The following ADGRL1 variants were observed in gnomAD, a reference collection of about 807,000 sequenced individuals.
ADGRL1 encodes adhesion G protein-coupled receptor L1, also known as CIRL-1.
A neutral mutation model predicts 148.9 loss-of-function variants in ADGRL1; 31 were observed. The ratio of observed to expected loss-of-function variants is 0.21; its 90% CI spans 0.16 to 0.28. The LOEUF (loss-of-function observed/expected upper bound fraction) is 0.28, where lower values mean the gene tolerates loss of function less well. Ranked by LOEUF, ADGRL1 falls within the 10% of genes least tolerant of loss-of-function variation. The probability of loss-of-function intolerance (pLI) is 1.00; values close to 1 mark genes in which losing one functional copy is unlikely to be tolerated. For missense variants in ADGRL1, 1,521 were observed against 2,058.8 expected, an observed-to-expected ratio of 0.74 and a Z score of 5.05; for synonymous variants, 937 against 900.3, an observed-to-expected ratio of 1.04 and a Z score of -0.73.
intron 1 of ADGRL1, among the ~76,000 whole-genome samples, chr19:14,193,197 G>A (rs1297451099): frequency 2.6e-5 from 4 of 150,996 alleles, no homozygotes; most frequent in African/African-American, 4.9e-5. Context: ...GGTGTCCCCC[G>A]GGAGACCCAG....
chr19:14,203,157 C>T (rs991336708), intron 1 of ADGRL1, among the ~76,000 whole-genome samples: 1 of 152,114 alleles, frequency 6.6e-6, no homozygotes, highest in Admixed American at 6.5e-5. Flanking sequence ...GTCAGGGTTT[C>T]AGACCCAGGG....
At chr19:14,187,790 TTCC>T (rs1252024228) in intron 1 of ADGRL1, among the ~76,000 whole-genome samples, 1 of 151,952 alleles carries the variant, frequency 6.6e-6, no homozygotes, top group East Asian at 1.9e-4. Flanking sequence ...TTATTTCAAC[TTCC>T]TCATTTCTCC....
At chr19:14,188,503 A>G (rs1385316454) in intron 1 of ADGRL1, among the ~76,000 whole-genome samples, 1 of 151,872 alleles carries the variant, frequency 6.6e-6, no homozygotes, top group East Asian at 1.9e-4. Context: ...AGACCAAAAT[A>G]AGCCCCTACA....
At chr19:14,195,712 C>A (rs1449490933) in intron 1 of ADGRL1, among the ~76,000 whole-genome samples, 1 of 152,174 alleles carries the variant, frequency 6.6e-6, no homozygotes, top group East Asian at 1.9e-4. Context: ...AGAGTTGAAG[C>A]CCCTGAATTT....
rs1328178784 is a variant in ADGRL1 at position 14,150,977 on chromosome 19, A to G, written c.4306T>C (p.Tyr1436His). The G allele has an allele frequency of 1.3e-6, 2 of 1,585,728 alleles. No homozygotes were observed. The highest frequency in any genetic ancestry group is 1.1e-5 in the South Asian group (1 of 89,088). The stretch of plus-strand genomic sequence containing the variant: ...TCGTGGCTAGGACGCCGCACCTGGT[A>G]GTAGCCCTGCAGGGGATTCCGGGCC... The part of the protein sequence containing the change: ...LVARNPLQGY[Y>H]QVRRPSHEGY... Residue 1436 changes from tyrosine (Y) to histidine (H), a missense_variant, in exon 23 of 23, where the codon TAC becomes CAC. Transcript: ENST00000361434.
chr19:14,183,222 A>AGCGAGC (rs1386351242), intron 2 of ADGRL1, among the ~76,000 whole-genome samples: 1 of 146,572 alleles, frequency 6.8e-6, no homozygotes, highest in African/African-American at 2.5e-5. Flanking sequence ...AGAGAGCGAG[A>AGCGAGC]GAGAGACAGA....
At chr19:14,169,248 C>A (rs955775033) in intron 4 of ADGRL1, 3 of 152,262 alleles carry the variant, frequency 2.0e-5, no homozygotes, top group Non-Finnish European at 4.4e-5. Context: ...GTGGCCGGCC[C>A]TGGGCCAAGC....
At chr19:14,173,359 G>A (rs948214257) in intron 3 of ADGRL1, among the ~76,000 whole-genome samples, 3 of 152,118 alleles carry the variant, frequency 2.0e-5, no homozygotes, top group Non-Finnish European at 2.9e-5. Context: ...ACTTCCCGAA[G>A]TGCTGGGATT....
chr19:14,196,243 G>A (rs1282293472), intron 1 of ADGRL1, among the ~76,000 whole-genome samples: 1 of 152,224 alleles, frequency 6.6e-6, no homozygotes, highest in African/African-American at 2.4e-5. Context: ...GAGCATCTAA[G>A]TCAGCCGCTT....
intron 4 of ADGRL1, among the ~76,000 whole-genome samples, chr19:14,165,443 G>C (rs556713403): frequency 1.8e-4 from 28 of 152,254 alleles, no homozygotes; most frequent in African/African-American, 6.7e-4. Flanking sequence ...GAGGGTGTCA[G>C]GGGGGAAAAA....
At position 14,186,687 on chromosome 19, in the gene ADGRL1, C is replaced by A. The variant is rs970400877; in HGVS notation, c.-95-2990G>T. Among the ~76,000 whole-genome samples, 3 of 152,162 alleles carry A rather than the reference C, an allele frequency of 2.0e-5. No homozygotes were observed. In the South Asian group the frequency reaches 6.2e-4, roughly 31 times the overall value. On this transcript the variant is annotated intron_variant, in intron 1 of 22. Coordinates refer to ENST00000361434, the MANE Select transcript of ADGRL1 (RefSeq NM_014921.5). Reference sequence around the variant, plus strand: ...TGATGTTGATCCGAACATTAACTGACCCCCTGGTCTCTGCTGGGGTCTCAG... The same window carrying A: ...TGATGTTGATCCGAACATTAACTGAACCCCTGGTCTCTGCTGGGGTCTCAG...
intron 2 of ADGRL1, 65 bp from the exon 3 acceptor site, chr19:14,177,809 C>T (rs1970928549): frequency 2.1e-6 from 3 of 1,453,336 alleles, no homozygotes; most frequent in Non-Finnish European, 2.8e-6. Context: ...ACCCTACCCA[C>T]TGCCAAGAAA....
rs762393271 is a variant in ADGRL1, at chr19:14,157,236, A to G, written c.2745+15T>C. 8.1e-6 allele frequency: 13 copies of G among 1,613,918 alleles called. No homozygotes were observed. Among genetic ancestry groups the G allele is most frequent in the Admixed American group, 1.7e-5 (1 of 60,028 alleles). On this transcript the variant is annotated intron_variant, in intron 14 of 22. Coordinates refer to ENST00000361434, the MANE Select transcript of ADGRL1 (RefSeq NM_014921.5). The surrounding 1 kb of genome is among the most constrained non-coding windows in gnomAD (Gnocchi z 7.5). ...CCAGGCGCTGGCCGTCACCTGCCCT[A>G]GAGTCCCAGCCCACCTCATACTGAG...
rs558201686 is a variant in ADGRL1, at chr19:14,160,405, C to G, written c.1615-108G>C. ...GCCTCTCCTATCTCTCTCTCCACTT[C>G]CCCATCGCCATCTGCCCCTTCCCAC... On this transcript the variant is annotated intron_variant, in intron 7 of 22. Transcript: ENST00000361434. The surrounding 1 kb of genome is among the most constrained non-coding windows in gnomAD (Gnocchi z 5.9). 8 of 1,106,202 alleles carry G rather than the reference C, an allele frequency of 7.2e-6. No individual in the cohort carries two copies. The Admixed American group carries it at 1.3e-4, about 18-fold the overall frequency. 68.5% of individuals were successfully genotyped at this position (1,106,202 alleles called of 1,614,324 possible).
chr19:14,176,389 G>A (rs568284390), intron 3 of ADGRL1, among the ~76,000 whole-genome samples: 13 of 152,036 alleles, frequency 8.6e-5, no homozygotes, highest in Admixed American at 2.6e-4. Flanking sequence ...CAAATACACC[G>A]TCATACTCAT....
chr19:14,170,746 G>A lies in ADGRL1; in HGVS notation c.330C>T (p.Ala110=), dbSNP rs745437981. 4.0e-5 allele frequency: 64 copies of A among 1,613,140 alleles called. No individual in the cohort carries two copies. The highest frequency in any genetic ancestry group is 5.1e-5 in the Non-Finnish European group (60 of 1,179,570). Residue 110 remains alanine (A), a synonymous_variant, in exon 4 of 23, where the codon GCC becomes GCT. Coordinates refer to ENST00000361434, the MANE Select transcript of ADGRL1 (RefSeq NM_014921.5). ...AGGTCCCAGGACAGGGGTCAGGAAAGGCATCCGAGCCGGCGACCACCACGC... is the reference window on the plus strand; with the variant it reads ...AGGTCCCAGGACAGGGGTCAGGAAAAGCATCCGAGCCGGCGACCACCACGC... The part of the protein sequence containing the change: ...TQCVVVAGSD[A]FPDPCPGTYK...
Position 14,159,341 on chromosome 19 carries a change from C to A in ADGRL1, c.2023+60G>T, listed in dbSNP as rs369904833. The A allele has an allele frequency of 1.8e-5, 28 of 1,574,160 alleles. No individual in the cohort carries two copies. The highest frequency in any genetic ancestry group is 1.4e-4 in the South Asian group (12 of 84,852). ...GGATAGCCCCCCTGTGGCCTCCAGG[C>A]CAGAACCCCGTGGTTTAAGGTTCGT... On this transcript the variant is annotated intron_variant, in intron 10 of 22. Coordinates refer to ENST00000361434, the MANE Select transcript of ADGRL1 (RefSeq NM_014921.5). This position sits in a 1 kb window ranked among gnomAD's most constrained non-coding sequence, Gnocchi z 6.0.
Position 14,151,259 on chromosome 19 carries a change from G to A in ADGRL1, c.4024C>T (p.Pro1342Ser), listed in dbSNP as rs895312294. The A allele has an allele frequency of 5.0e-6, 8 of 1,611,994 alleles. No individual in the cohort carries two copies. The African/African-American group carries it at 5.3e-5, about 11-fold the overall frequency. Residue 1342 changes from proline to serine, a missense_variant, in exon 23 of 23, where the codon CCC becomes TCC. Transcript: ENST00000361434. ...YKALEEPLLL[P>S]RAQSVLYQSD... ...TGGTACAGCACCGACTGGGCCCGGGGCAGCAGCAGAGGCTCCTCCAGGGCC... is the reference window on the plus strand; with the variant it reads ...TGGTACAGCACCGACTGGGCCCGGGACAGCAGCAGAGGCTCCTCCAGGGCC...
chr19:14,181,592 C>T (rs191175475), intron 2 of ADGRL1, among the ~76,000 whole-genome samples: 2 of 152,152 alleles, frequency 1.3e-5, no homozygotes, highest in Middle Eastern at 3.4e-3. Flanking sequence ...TGGTGGCAGG[C>T]GGCTGTAATC....
Sources: gnomAD v4.1 joint callset for allele counts (sites outside exome capture counted in the v4.1 genomes callset) on GRCh38, gnomAD v4.1.1 for gene constraint, Gnocchi (gnomAD v3.1) non-coding constraint, MANE v1.5 for transcripts, NCBI Gene and HGNC (gene_info 2026-07-23, HGNC 2026-07-21) for gene names.